Variants in EPHA5 observed in about 807,000 individuals in gnomAD.
EPHA5 encodes the protein ephrin type-A receptor 5.
Under a neutral mutation model 105.0 loss-of-function variants are expected in EPHA5, and 60 were observed. That is an observed-to-expected ratio of 0.57 (90% confidence interval 0.46 to 0.71). The LOEUF (loss-of-function observed/expected upper bound fraction) is 0.71, where lower values mean the gene tolerates loss of function less well. Among genes scored for constraint, EPHA5 ranks in the 30% least tolerant of loss-of-function variants. The probability of loss-of-function intolerance (pLI) is 0.00; values close to 1 mark genes in which losing one functional copy is unlikely to be tolerated. For missense variants in EPHA5, 1,218 were observed against 1,274.7 expected (o/e 0.96, Z 0.68); for synonymous variants, 513 against 449.1 (o/e 1.14, Z -1.80).
At chr4:65,663,626 G>A (rs935999619) in intron 1 of EPHA5, among the ~76,000 whole-genome samples, 1 of 151,904 alleles carries the variant, frequency 6.6e-6, no homozygotes, top group African/African-American at 2.4e-5. Context: ...TAATGAAATA[G>A]TTTAAATGCG....
At chr4:65,622,963 A>G (rs1374390976) in intron 2 of EPHA5, among the ~76,000 whole-genome samples, 1 of 152,158 alleles carries the variant, frequency 6.6e-6, no homozygotes, top group African/African-American at 2.4e-5. Context: ...CAGTGTATTA[A>G]CATTAAAGTT....
At chr4:65,574,366 A>C in intron 3 of EPHA5, 2 of 914,184 alleles carry the variant, frequency 2.2e-6, no homozygotes, top group South Asian at 4.3e-5. Context: ...GACTACAAAA[A>C]AAAAATAATA....
chr4:65,629,483 TAGTG>T (rs1308647900), intron 2 of EPHA5, among the ~76,000 whole-genome samples: 4 of 152,096 alleles, frequency 2.6e-5, no homozygotes, highest in African/African-American at 9.7e-5. Context: ...AATATACAAA[TAGTG>T]GGATAAAATT....
intron 7 of EPHA5, among the ~76,000 whole-genome samples, 196 bp from the exon 8 acceptor site, chr4:65,404,675 T>C (rs1722186346): frequency 1.3e-5 from 2 of 152,198 alleles, no homozygotes; most frequent in African/African-American, 4.8e-5. Context: ...ACTTTCCAAA[T>C]AGAGATTTGA....
At chr4:65,641,045 A>G (rs1747620088) in intron 2 of EPHA5, among the ~76,000 whole-genome samples, 1 of 152,138 alleles carries the variant, frequency 6.6e-6, no homozygotes, top group Admixed American at 6.5e-5. Flanking sequence ...ATACTTCAAG[A>G]GCTCTAAGTC....
At chr4:65,425,638 T>A (rs1434421393) in intron 5 of EPHA5, among the ~76,000 whole-genome samples, 1 of 151,754 alleles carries the variant, frequency 6.6e-6, no homozygotes. Context: ...AAATAATAAT[T>A]ATTATTAATG....
intron 3 of EPHA5, among the ~76,000 whole-genome samples, chr4:65,591,955 G>A (rs13146744): frequency 0.068 from 10,370 of 152,028 alleles, 440 homozygotes; most frequent in Admixed American, 0.12. Context: ...ATAAAAAACT[G>A]AATTTAGTAT....
chr4:65,489,313 G>A (rs1396986757), intron 5 of EPHA5, among the ~76,000 whole-genome samples: 2 of 152,114 alleles, frequency 1.3e-5, no homozygotes, highest in South Asian at 2.1e-4. Context: ...CCCACATCAA[G>A]GCTAGCATCC....
intron 8 of EPHA5, among the ~76,000 whole-genome samples, chr4:65,385,853 T>C (rs1007102603): frequency 6.6e-5 from 10 of 151,866 alleles, no homozygotes; most frequent in African/African-American, 2.4e-4. Context: ...ATTATAATAT[T>C]TATATTTGTA....
chr4:65,372,854 C>T (rs1718622192), intron 8 of EPHA5, among the ~76,000 whole-genome samples: 1 of 151,778 alleles, frequency 6.6e-6, no homozygotes, highest in African/African-American at 2.4e-5. Context: ...ATATTATACA[C>T]ATGAAATGGC....
At chr4:65,329,446 A>C (rs1720387642) in intron 16 of EPHA5, among the ~76,000 whole-genome samples, 1 of 151,410 alleles carries the variant, frequency 6.6e-6, no homozygotes, top group South Asian at 2.1e-4. Flanking sequence ...TCATTCTGAA[A>C]ATTTTATATT....
intron 2 of EPHA5, among the ~76,000 whole-genome samples, chr4:65,609,219 A>G (rs1744525536): frequency 6.6e-6 from 1 of 152,214 alleles, no homozygotes. Flanking sequence ...GAAAATAAAT[A>G]TGACAAAATA....
At chr4:65,469,551 G>A (rs6833844) in intron 5 of EPHA5, among the ~76,000 whole-genome samples, 2,148 of 152,218 alleles carry the variant, frequency 0.014, 53 homozygotes, top group African/African-American at 0.049. Context: ...GACACCTTTA[G>A]CATCTCAGAG....
Position 65,323,870 on chromosome 4 carries a change from A to G in EPHA5, c.*244T>C, listed in dbSNP as rs1456960937. 3.1e-6 allele frequency: 1 copy of G among 327,816 alleles called. No individual in the cohort carries two copies. Among genetic ancestry groups the G allele is most frequent in the East Asian group, 4.7e-5 (1 of 21,216 alleles). The allele number at this position is 327,816 out of a possible 1,614,324, so 20.3% of individuals were successfully genotyped here. ...AAGGATTCTGTTGTTGTAACTTAAG[A>G]TGATGTCTAACTTCATGTCCCTTTT... On this transcript the variant is annotated 3_prime_UTR_variant, in exon 17 of 17. Coordinates refer to ENST00000613740, the MANE Select transcript of EPHA5 (RefSeq NM_001281766.3).
chr4:65,480,270 C>T (rs1730226471), intron 5 of EPHA5, among the ~76,000 whole-genome samples: 1 of 152,108 alleles, frequency 6.6e-6, no homozygotes, highest in South Asian at 2.1e-4. Context: ...AATAAGTATG[C>T]AGTGAAATGT....
chr4:65,418,235 A>G (rs1315742980), intron 6 of EPHA5, among the ~76,000 whole-genome samples: 1 of 152,184 alleles, frequency 6.6e-6, no homozygotes, highest in African/African-American at 2.4e-5. Flanking sequence ...ATAACTCTAC[A>G]TAGCTTTGCA....
At chr4:65,585,717 G>C (rs1266180598) in intron 3 of EPHA5, among the ~76,000 whole-genome samples, 1 of 151,692 alleles carries the variant, frequency 6.6e-6, no homozygotes, top group Non-Finnish European at 1.5e-5. Flanking sequence ...TTTATATAGA[G>C]AAAACATGAA....
intron 3 of EPHA5, among the ~76,000 whole-genome samples, chr4:65,568,799 C>T (rs1440894958): frequency 6.6e-6 from 1 of 150,994 alleles, no homozygotes; most frequent in African/African-American, 2.4e-5. Flanking sequence ...CAAAATAAAT[C>T]TATCTTCAAC....
chr4:65,507,073 C>T (rs1205191843), intron 3 of EPHA5, among the ~76,000 whole-genome samples: 4 of 152,114 alleles, frequency 2.6e-5, no homozygotes, highest in African/African-American at 4.8e-5. Flanking sequence ...CCAGTTTCAG[C>T]TTTCTGCATA....
Sources: gnomAD v4.1 joint callset for allele counts (sites outside exome capture counted in the v4.1 genomes callset) on GRCh38, gnomAD v4.1.1 for gene constraint, MANE v1.5 for transcripts, NCBI Gene and HGNC (gene_info 2026-07-23, HGNC 2026-07-21) for gene names.